The following ZSWIM8 variants were observed in gnomAD, a reference collection of about 807,000 sequenced individuals.
ZSWIM8 encodes the protein zinc finger SWIM-type containing 8.
ZSWIM8 carries 27 observed loss-of-function variants against 173.7 expected under a neutral mutation model. That is an observed-to-expected ratio of 0.16 (90% confidence interval 0.11 to 0.21). The LOEUF (loss-of-function observed/expected upper bound fraction) is 0.21. ZSWIM8 is among the 10% of genes least tolerant of loss of function. The pLI, the probability that ZSWIM8 is intolerant of heterozygous loss-of-function variation, is 1.00. For synonymous variants in ZSWIM8, 958 were observed against 962.0 expected, an observed-to-expected ratio of 1.00 and a Z score of 0.08; for missense variants, 1,627 against 2,428.8, an observed-to-expected ratio of 0.67 and a Z score of 6.94.
At chr10:73,799,586 C>T (rs912637734) in intron 21 of ZSWIM8, 96 bp downstream of exon 21, 14 of 1,511,952 alleles carry the variant, frequency 9.3e-6, no homozygotes, top group Admixed American at 2.0e-5. Context: ...ATTGGTCAGT[C>T]GGAGAGTCCT....
At chr10:73,793,475 CAG>C in intron 10 of ZSWIM8, 111 bp from the exon 11 acceptor site, 1 of 1,250,584 alleles carries the variant, frequency 8.0e-7, no homozygotes, top group Admixed American at 2.7e-5. Context: ...TGGAGCGGCA[CAG>C]GGCCTGGCAT....
chr10:73,799,587 GGA>G, intron 21 of ZSWIM8, 97 bp downstream of exon 21: 3 of 1,505,790 alleles, frequency 2.0e-6, no homozygotes, highest in Non-Finnish European at 1.8e-6. Context: ...TTGGTCAGTC[GGA>G]GAGTCCTGGT....
rs554556247 is a variant in ZSWIM8 at position 73,787,452 on chromosome 10, A to G, written c.209-1218A>G. The stretch of plus-strand genomic sequence containing the variant: ...CACTTTGAGGGAAGTAACTGAAGTC[A>G]TAGCGATGAAGATTGTTAACATATT... On this transcript the variant is annotated intron_variant, in intron 1 of 25. Coordinates refer to ENST00000604729, the MANE Select transcript of ZSWIM8 (RefSeq NM_001367799.1). 1.1e-4 allele frequency among the ~76,000 whole-genome samples: 16 copies of G among 152,342 alleles called. 1 individual carries two copies. The South Asian group carries it at 2.9e-3, about 28-fold the overall frequency.
At chr10:73,788,963 T>TGGGGGGGGCCGG in intron 2 of ZSWIM8, 133 bp from the exon 3 acceptor site, 1 of 962,804 alleles carries the variant, frequency 1.0e-6, no homozygotes. Context: ...GGGATTCCAC[T>TGGGGGGGGCCGG]CCCTCCCCCC....
Position 73,789,689 on chromosome 10 carries a change from G to C in ZSWIM8, c.631-28G>C, listed in dbSNP as rs1322945981. The C allele has an allele frequency of 6.4e-7, 1 of 1,573,766 alleles. No individual in the cohort carries two copies. The highest frequency in any genetic ancestry group is 8.6e-7 in the Non-Finnish European group (1 of 1,159,042). On this transcript the variant is annotated intron_variant, in intron 4 of 25. Coordinates refer to ENST00000604729, the MANE Select transcript of ZSWIM8 (RefSeq NM_001367799.1). This position sits in a 1 kb window ranked among gnomAD's most constrained non-coding sequence, Gnocchi z 6.8. ...GCTCCAGCAAACCTGTTCTCAGATT[G>C]TTCCATTTTTCTCTGTGTCCCCTTC...
intron 20 of ZSWIM8, 150 bp from the exon 21 acceptor site, chr10:73,798,852 T>G (rs1047229294): frequency 1.3e-5 from 15 of 1,120,690 alleles, no homozygotes; most frequent in Non-Finnish European, 1.7e-5. Context: ...AAGCACTCAC[T>G]GCTCTGATAA....
Position 73,791,017 on chromosome 10 carries a change from C to T in ZSWIM8, c.984C>T (p.Ala328=), listed in dbSNP as rs752383812. 41 of 1,613,272 alleles carry T rather than the reference C, an allele frequency of 2.5e-5. No homozygotes were observed. Among genetic ancestry groups the T allele is most frequent in the East Asian group, 1.8e-4 (8 of 44,878 alleles). The change falls in exon 8 of 26, where the codon GCC becomes GCT. Residue 328 remains alanine (A), a synonymous_variant. Transcript: ENST00000604729. The surrounding 1 kb of genome is among the most constrained non-coding windows in gnomAD (Gnocchi z 6.0). Reference sequence around the variant, plus strand: ...ATCTGTCTTCCACGGAGCCGCCAGCCGCTGCTGAATGGGCATGTCTGCTGC... The same window carrying T: ...ATCTGTCTTCCACGGAGCCGCCAGCTGCTGCTGAATGGGCATGTCTGCTGC... ...SMYLSSTEPP[A]AAEWACLLRP...
chr10:73,797,443 G>A lies in ZSWIM8; in HGVS notation c.3500G>A (p.Arg1167Lys). 6.2e-7 allele frequency: 1 copy of A among 1,613,966 alleles called. No individual in the cohort carries two copies. The highest frequency in any genetic ancestry group is 8.5e-7 in the Non-Finnish European group (1 of 1,179,862). The change falls in exon 18 of 26, where the codon AGA becomes AAA. Residue 1167 changes from arginine (R) to lysine (K), a missense_variant. By Grantham distance (26) the Arg-to-Lys change is conservative. Transcript: ENST00000604729. This position sits in a 1 kb window ranked among gnomAD's most constrained non-coding sequence, Gnocchi z 5.6. ...TSDSSPTLSR[R>K]PLRGGWAPTS... is the part of the protein sequence containing the mutation. ...GATAGTTCCCCCACCTTAAGCCGGA[G>A]ACCACTTCGAGGGGGCTGGGCCCCC... is the stretch of plus-strand genomic sequence containing the variant.
chr10:73,799,446 C>T lies in ZSWIM8; in HGVS notation c.4621C>T (p.Pro1541Ser), dbSNP rs768154048. ...AHPAHPMPHM[P>S]RPAVFPVPSS... ...CCCTGCCCACCCCATGCCTCACATG[C>T]CCCGGCCTGCCGTCTTCCCTGTGCC... The change falls in exon 21 of 26, where the codon CCC (proline) becomes TCC (serine). Residue 1541 changes from proline (P) to serine (S), a missense_variant. Physicochemically the swap from Pro to Ser is moderately conservative, Grantham distance 74 (BLOSUM62 -1). Around this residue, in one of 18 missense-constraint regions of ZSWIM8, gnomAD observed 275 missense variants for 290.1 expected, o/e 0.95. Transcript: ENST00000604729. 5.6e-6 allele frequency: 9 copies of T among 1,602,414 alleles called. No individual in the cohort carries two copies. The highest frequency in any genetic ancestry group is 1.1e-5 in the South Asian group (1 of 88,886).
chr10:73,791,737 G>A lies in ZSWIM8; in HGVS notation c.1320-122G>A, dbSNP rs1209660343. ...TCCAGTGTTTCAGTGATGCTTATGG[G>A]GCTGGGTCAAGAAGTACTTTCCTGT... On this transcript the variant is annotated intron_variant, in intron 9 of 25. Coordinates refer to ENST00000604729, the MANE Select transcript of ZSWIM8 (RefSeq NM_001367799.1). The surrounding 1 kb of genome is among the most constrained non-coding windows in gnomAD (Gnocchi z 6.0). 1 of 1,352,682 alleles carries A rather than the reference G, an allele frequency of 7.4e-7. No homozygotes were observed. Among genetic ancestry groups the A allele is most frequent in the Non-Finnish European group, 9.8e-7 (1 of 1,019,970 alleles). 83.8% of individuals were successfully genotyped at this position (1,352,682 alleles called of 1,614,324 possible).
chr10:73,789,226 T>C lies in ZSWIM8; in HGVS notation c.457+36T>C. The C allele has an allele frequency of 1.2e-6, 2 of 1,611,676 alleles. No individual in the cohort carries two copies. Among genetic ancestry groups the C allele is most frequent in the Non-Finnish European group, 1.7e-6 (2 of 1,177,908 alleles). ...CATCATGCCATGTGGCACATCCTGC[T>C]CCTCCCATCCCCTGGCTTATGAAGT... is the stretch of plus-strand genomic sequence containing the variant. On this transcript the variant is annotated intron_variant, in intron 3 of 25. Transcript: ENST00000604729. This position sits in a 1 kb window ranked among gnomAD's most constrained non-coding sequence, Gnocchi z 6.8.
chr10:73,796,127 C>G (rs1174667585), intron 15 of ZSWIM8, among the ~76,000 whole-genome samples: 2 of 151,972 alleles, frequency 1.3e-5, no homozygotes, highest in African/African-American at 4.8e-5. Context: ...CTTTGGGAAG[C>G]AGAGGCGGGA....
At position 73,788,388 on chromosome 10, in the gene ZSWIM8, C is replaced by G. The variant is rs11000778; in HGVS notation, c.209-282C>G. ...TACTTGCTAGGGTCCTGGAACGCACCTGTCTGGCCAGGAGTTTCTTAAGAT... is the reference window on the plus strand; with the variant it reads ...TACTTGCTAGGGTCCTGGAACGCACGTGTCTGGCCAGGAGTTTCTTAAGAT... On this transcript the variant is annotated intron_variant, in intron 1 of 25. Transcript: ENST00000604729. 5.9e-5 allele frequency among the ~76,000 whole-genome samples: 9 copies of G among 152,314 alleles called. No homozygotes were observed. In the East Asian group the frequency reaches 1.7e-3, roughly 29 times the overall value.
Position 73,790,986 on chromosome 10 carries a change from C to A in ZSWIM8, c.953C>A (p.Ser318Tyr). The A allele has an allele frequency of 1.2e-6, 2 of 1,609,740 alleles. No individual in the cohort carries two copies. The highest frequency in any genetic ancestry group is 1.7e-6 in the Non-Finnish European group (2 of 1,179,854). The change falls in exon 8 of 26, where the codon TCC becomes TAC. Residue 318 changes from serine to tyrosine, a missense_variant. By Grantham distance (144) the Ser-to-Tyr change is moderately radical (BLOSUM62 -2). Coordinates refer to ENST00000604729, the MANE Select transcript of ZSWIM8 (RefSeq NM_001367799.1). ...CTCTGCTTTTACAGTGATGTGAACT[C>A]CATGTATCTGTCTTCCACGGAGCCG... Reference protein sequence around the residue: ...PSPVVFSDVNSMYLSSTEPPA... With the variant: ...PSPVVFSDVNYMYLSSTEPPA...
intron 1 of ZSWIM8, among the ~76,000 whole-genome samples, chr10:73,788,054 G>C (rs769136835): frequency 2.3e-4 from 35 of 152,110 alleles, no homozygotes; most frequent in Admixed American, 5.2e-4. Flanking sequence ...GGTGATTCCA[G>C]TTGCAGCAGT....
Position 73,801,605 on chromosome 10 carries a change from C to T in ZSWIM8, c.*86C>T, listed in dbSNP as rs1351425934. On this transcript the variant is annotated 3_prime_UTR_variant, in exon 26 of 26. Coordinates refer to ENST00000604729, the MANE Select transcript of ZSWIM8 (RefSeq NM_001367799.1). This position sits in a 1 kb window ranked among gnomAD's most constrained non-coding sequence, Gnocchi z 4.9. ...ACAGGGGGAGTGAAACTTGGCTGGA[C>T]AGATCATCCTCACTCAGTTCCCTGG... 6.4e-7 allele frequency: 1 copy of T among 1,552,750 alleles called. No homozygotes were observed. The highest frequency in any genetic ancestry group is 8.7e-7 in the Non-Finnish European group (1 of 1,154,036).
chr10:73,795,504 T>A (rs1341503812), intron 14 of ZSWIM8, 35 bp from the exon 15 acceptor site: 4 of 1,611,728 alleles, frequency 2.5e-6, no homozygotes, highest in Non-Finnish European at 3.4e-6. Flanking sequence ...GAATTATGAC[T>A]ACTCTCAATC....
rs1329429787 is a variant in ZSWIM8 at position 73,801,572 on chromosome 10, C to T, written c.*53C>T. 2.5e-6 allele frequency: 4 copies of T among 1,593,816 alleles called. No homozygotes were observed. Among genetic ancestry groups the T allele is most frequent in the African/African-American group, 2.7e-5 (2 of 74,450 alleles). On this transcript the variant is annotated 3_prime_UTR_variant, in exon 26 of 26. Transcript: ENST00000604729. This position sits in a 1 kb window ranked among gnomAD's most constrained non-coding sequence, Gnocchi z 4.9. ...GGACCCAGGCCTGTGGCTATGGGGG[C>T]CCCTCACACAGGGGGAGTGAAACTT...
chr10:73,793,762 C>T (rs2083509263), intron 11 of ZSWIM8, 43 bp downstream of exon 11: 1 of 1,571,172 alleles, frequency 6.4e-7, no homozygotes. Context: ...CCCACTTACC[C>T]CCAACCTGCT....
Sources: allele counts gnomAD v4.1 joint callset (sites outside exome capture counted in the v4.1 genomes callset), GRCh38; gene constraint gnomAD v4.1.1; regional missense constraint gnomAD v4.1.1; non-coding constraint Gnocchi (gnomAD v3.1); transcripts MANE v1.5; gene names NCBI Gene and HGNC (gene_info 2026-07-23, HGNC 2026-07-21).